The following NLGN4X variants were observed in gnomAD, a reference collection of about 807,000 sequenced individuals.
The protein encoded by NLGN4X is neuroligin 4 X-linked.
In NLGN4X, 3 loss-of-function variants were observed where a neutral mutation model predicts 40.3. That is an observed-to-expected ratio of 0.07 (90% CI 0.03 to 0.19). The LOEUF is 0.19. NLGN4X is among the 10% of genes least tolerant of loss of function. The pLI is 1.00. For missense variants in NLGN4X, 382 were observed against 708.3 expected, an observed-to-expected ratio of 0.54 and a Z score of 5.23; for synonymous variants, 270 against 306.8, an observed-to-expected ratio of 0.88 and a Z score of 1.25.
chrX:6,136,822 T>C (rs771613664), intron 2 of NLGN4X, among the ~76,000 whole-genome samples: 2 of 112,005 alleles, frequency 1.8e-5, no homozygotes, highest in Non-Finnish European at 3.8e-5. Context: ...ATCCAAGACC[T>C]ACTTCTCTGG....
At chrX:5,932,887 G>A (rs2033600813) in intron 3 of NLGN4X, among the ~76,000 whole-genome samples, 1 of 110,967 alleles carries the variant, frequency 9.0e-6, no homozygotes, top group Admixed American at 9.6e-5. Context: ...TATTTTGAAT[G>A]GGCTCAAAGA....
intron 3 of NLGN4X, among the ~76,000 whole-genome samples, chrX:5,923,814 T>C (rs1478437173): frequency 9.0e-6 from 1 of 111,523 alleles, no homozygotes; most frequent in East Asian, 2.8e-4. Context: ...GGTGTTCATA[T>C]GTTGAGTTAC....
chrX:5,909,615 A>G (rs1212826904), intron 3 of NLGN4X, among the ~76,000 whole-genome samples: 1 of 104,342 alleles, frequency 9.6e-6, no homozygotes, highest in Non-Finnish European at 2.0e-5. Flanking sequence ...AGACTCCTAC[A>G]AGAAATTTTT....
chrX:6,024,416 G>A lies in NLGN4X; in HGVS notation c.625+4864C>T, dbSNP rs753377103. ...ATTCTTGAATATATATGTCAGAGAC[G>A]TTTGAACCAGAGCACCTCCATCTTG... is the stretch of plus-strand genomic sequence containing the variant. On this transcript the variant is annotated intron_variant, in intron 3 of 5. Transcript: ENST00000381095. 1.0e-3 allele frequency among the ~76,000 whole-genome samples: 116 copies of A among 111,005 alleles called. 1 individual carries two copies. The highest frequency in any genetic ancestry group is 1.7e-3 in the Non-Finnish European group (88 of 53,008).
intron 1 of NLGN4X, among the ~76,000 whole-genome samples, chrX:6,172,118 T>C (rs1263976757): frequency 8.9e-6 from 1 of 112,006 alleles, no homozygotes; most frequent in African/African-American, 3.2e-5. Flanking sequence ...CTCTTTTCTT[T>C]GTAAATTACC....
chrX:6,164,641 C>T (rs1174391112), intron 1 of NLGN4X, among the ~76,000 whole-genome samples: 1 of 111,298 alleles, frequency 9.0e-6, no homozygotes, highest in Non-Finnish European at 1.9e-5. Flanking sequence ...ACATAAGGAG[C>T]TTCATAACCA....
rs1569207590 is a variant in NLGN4X, at chrX:6,049,227, A to AAGGGGAAGGGAGGGGAGGGG, written c.473-19796_473-19795insCCCCTCCCCTCCCTTCCCCT. Among the ~76,000 whole-genome samples, 2 of 9,585 alleles carry AAGGGGAAGGGAGGGGAGGGG rather than the reference A, an allele frequency of 2.1e-4. 1 individual carries two copies. The allele number at this position is 9,585 out of a possible 115,157, so 8.3% of individuals were successfully genotyped here. A position where few individuals can be genotyped will look rare whatever the true frequency, so the allele number is the denominator to read the frequency against. ...TGGTCATTTAAGCTCCAGGCCAGGA[A>AAGGGGAAGGGAGGGGAGGGG]AGGGGAGGGGAGGGGAGGGGAGGGG... On this transcript the variant is annotated intron_variant, in intron 2 of 5. Transcript: ENST00000381095.
chrX:6,090,241 GAATA>G (rs1006512904), intron 2 of NLGN4X, among the ~76,000 whole-genome samples: 1 of 110,685 alleles, frequency 9.0e-6, no homozygotes, highest in Admixed American at 9.7e-5. Flanking sequence ...ATTAATATAT[GAATA>G]AATATATATT....
At chrX:5,924,655 G>T (rs769827374) in intron 3 of NLGN4X, among the ~76,000 whole-genome samples, 1 of 112,037 alleles carries the variant, frequency 8.9e-6, no homozygotes, top group African/African-American at 3.2e-5. Flanking sequence ...ATAAATATAT[G>T]ATGGAATGCT....
In NLGN4X at chrX:6,143,410, CAG is replaced by C. The variant is rs201394858; in HGVS notation, c.472+7583_472+7584del. Among the ~76,000 whole-genome samples, 226 of 112,320 alleles carry C rather than the reference CAG, an allele frequency of 2.0e-3. 2 individuals are homozygous for C. In the East Asian group the frequency reaches 0.02, roughly 10 times the overall value. ...GTGTAGCCGGAAGGAGTGGGGAACA[CAG>C]AGGATTTTGTCAGCAGTGTTTGTAA... On this transcript the variant is annotated intron_variant, in intron 2 of 5. Transcript: ENST00000381095.
intron 1 of NLGN4X, among the ~76,000 whole-genome samples, chrX:6,199,322 C>A (rs1923393425): frequency 9.0e-6 from 1 of 111,503 alleles, no homozygotes; most frequent in African/African-American, 3.3e-5. Context: ...CATTTCTCAA[C>A]ACAACATTCA....
At chrX:6,157,635 G>C (rs1249704989) in intron 1 of NLGN4X, among the ~76,000 whole-genome samples, 1 of 111,634 alleles carries the variant, frequency 9.0e-6, no homozygotes, top group East Asian at 2.8e-4. Flanking sequence ...TGTATGGTGA[G>C]GGCCTGCTTC....
At chrX:6,082,197 T>C (rs978393041) in intron 2 of NLGN4X, among the ~76,000 whole-genome samples, 1 of 111,985 alleles carries the variant, frequency 8.9e-6, no homozygotes, top group Non-Finnish European at 1.9e-5. Context: ...CAGAAATCAT[T>C]TGTTGATTAT....
chrX:6,136,987 G>A (rs1362241038), intron 2 of NLGN4X, among the ~76,000 whole-genome samples: 3 of 112,411 alleles, frequency 2.7e-5, no homozygotes, highest in East Asian at 2.8e-4. Context: ...GCATATGTAC[G>A]CAGAATATAC....
At chrX:6,030,894 C>T (rs1220636031) in intron 2 of NLGN4X, among the ~76,000 whole-genome samples, 1 of 111,755 alleles carries the variant, frequency 8.9e-6, no homozygotes, top group Non-Finnish European at 1.9e-5. Flanking sequence ...TGTTTTTGGC[C>T]TCATTTCTTT....
At chrX:6,187,359 G>A (rs371116043) in intron 1 of NLGN4X, 2 of 105,581 alleles carry the variant, frequency 1.9e-5, no homozygotes, top group Admixed American at 1.0e-4. Context: ...CGTAGCCCCA[G>A]CTACCCCGGA....
At chrX:6,228,419 G>C (rs1167022299) in intron 1 of NLGN4X, 122 bp downstream of exon 1, 3 of 112,137 alleles carry the variant, frequency 2.7e-5, no homozygotes, top group Non-Finnish European at 5.6e-5. Context: ...ATAAAGATCA[G>C]ATGAAGTGAA....
At chrX:6,222,174 A>G (rs1188548885) in intron 1 of NLGN4X, among the ~76,000 whole-genome samples, 1 of 111,201 alleles carries the variant, frequency 9.0e-6, no homozygotes, top group Non-Finnish European at 1.9e-5. Flanking sequence ...CTCCCCAACC[A>G]AAGCATACAA....
intron 1 of NLGN4X, among the ~76,000 whole-genome samples, chrX:6,182,803 G>A (rs186479012): frequency 1.7e-3 from 195 of 111,808 alleles, no homozygotes; most frequent in African/African-American, 5.9e-3. Context: ...GGAGCCTTCC[G>A]AAGGAAGGAG....
Sources: gnomAD v4.1 joint callset for allele counts (sites outside exome capture counted in the v4.1 genomes callset) on GRCh38, gnomAD v4.1.1 for gene constraint, MANE v1.5 for transcripts, NCBI Gene and HGNC (gene_info 2026-07-23, HGNC 2026-07-21) for gene names.